Variants in CNTN5 observed in about 807,000 individuals in gnomAD.
CNTN5 encodes the protein contactin 5.
A neutral mutation model predicts 129.1 loss-of-function variants in CNTN5; 77 were observed. The ratio of observed to expected loss-of-function variants is 0.60; its 90% CI spans 0.50 to 0.72. The LOEUF is 0.72. Among genes scored for constraint, CNTN5 ranks in the 30% least tolerant of loss-of-function variants. The pLI is 0.00. For synonymous variants in CNTN5, 509 were observed against 465.6 expected (o/e 1.09, Z -1.20); for missense variants, 1,478 against 1,328.8 (o/e 1.11, Z -1.75).
chr11:100,060,960 A>AATCAT (rs1943448111), intron 9 of CNTN5, among the ~76,000 whole-genome samples: 1 of 94,378 alleles, frequency 1.1e-5, no homozygotes. Flanking sequence ...TTTAAAAATA[A>AATCAT]ATCATAATTG....
chr11:99,113,842 A>T (rs978184131), intron 1 of CNTN5, among the ~76,000 whole-genome samples: 1 of 152,152 alleles, frequency 6.6e-6, no homozygotes. Context: ...ATAAAGAGAT[A>T]AAGAGGTATT....
At chr11:99,084,873 A>G (rs1940520) in intron 1 of CNTN5, among the ~76,000 whole-genome samples, 3 of 152,216 alleles carry the variant, frequency 2.0e-5, no homozygotes, top group Non-Finnish European at 4.4e-5. Context: ...TTAAGTATCC[A>G]AATTTTGATC....
At chr11:99,315,246 A>AAT (rs1865293615) in intron 1 of CNTN5, among the ~76,000 whole-genome samples, 2 of 108,674 alleles carry the variant, frequency 1.8e-5, no homozygotes, top group South Asian at 3.7e-4. Flanking sequence ...AAAAAAAAGT[A>AAT]TTACAAATGA....
intron 13 of CNTN5, among the ~76,000 whole-genome samples, chr11:100,081,457 A>G (rs1219832633): frequency 1.3e-5 from 2 of 152,182 alleles, no homozygotes; most frequent in Non-Finnish European, 2.9e-5. Context: ...CAGAAATTGC[A>G]TCTTACTACA....
chr11:99,390,324 G>T (rs974828442), intron 2 of CNTN5, among the ~76,000 whole-genome samples: 1 of 152,010 alleles, frequency 6.6e-6, no homozygotes, highest in Non-Finnish European at 1.5e-5. Context: ...TTGCCATATT[G>T]CCCACACTGG....
intron 7 of CNTN5, among the ~76,000 whole-genome samples, chr11:99,926,600 G>A (rs1035643956): frequency 1.3e-5 from 2 of 151,890 alleles, no homozygotes; most frequent in African/African-American, 4.8e-5. Context: ...GACTTTTTTG[G>A]CATCTTTAAT....
chr11:99,780,153 G>T (rs1945262254), intron 3 of CNTN5, among the ~76,000 whole-genome samples: 1 of 151,910 alleles, frequency 6.6e-6, no homozygotes, highest in South Asian at 2.1e-4. Context: ...TTCTGTTACT[G>T]TTATCAAGTC....
chr11:100,268,383 A>T (rs1591455614), intron 17 of CNTN5, among the ~76,000 whole-genome samples: 3 of 152,300 alleles, frequency 2.0e-5, no homozygotes, highest in Admixed American at 2.0e-4. Context: ...ACCCTGGAGC[A>T]TTGTAACAGT....
intron 3 of CNTN5, among the ~76,000 whole-genome samples, chr11:99,577,908 A>T (rs1396155564): frequency 1.3e-5 from 2 of 151,576 alleles, no homozygotes; most frequent in Non-Finnish European, 2.9e-5. Flanking sequence ...TACATGTGCC[A>T]TGTTGGTGTG....
chr11:99,889,291 G>GGT (rs71050029), intron 6 of CNTN5, among the ~76,000 whole-genome samples: 3 of 33,222 alleles, frequency 9.0e-5, no homozygotes, highest in African/African-American at 8.7e-4. Context: ...CTCCAGAGCA[G>GGT]GTGTGTGTGT....
At chr11:99,050,823 C>T (rs886982049) in intron 1 of CNTN5, among the ~76,000 whole-genome samples, 6 of 151,626 alleles carry the variant, frequency 4.0e-5, no homozygotes, top group East Asian at 1.9e-4. Context: ...AATACTTTTC[C>T]GATTTAAGAT....
intron 3 of CNTN5, among the ~76,000 whole-genome samples, chr11:99,791,136 CTTAAGT>C (rs945745408): frequency 8.6e-5 from 13 of 151,116 alleles, no homozygotes; most frequent in African/African-American, 2.9e-4. Flanking sequence ...TGTGTAGAAG[CTTAAGT>C]TTAAGTAGAT....
chr11:99,514,660 A>G (rs1282712334), intron 2 of CNTN5, among the ~76,000 whole-genome samples: 1 of 152,094 alleles, frequency 6.6e-6, no homozygotes, highest in Non-Finnish European at 1.5e-5. Context: ...TTTTGGCAAT[A>G]AAGTATTTTA....
intron 1 of CNTN5, among the ~76,000 whole-genome samples, chr11:99,224,620 A>G (rs757467344): frequency 6.7e-6 from 1 of 148,482 alleles, no homozygotes; most frequent in Non-Finnish European, 1.5e-5. Context: ...ACAGCTAGCT[A>G]TCTTCCAGAT....
At chr11:100,022,837 T>G (rs1268148791) in intron 9 of CNTN5, among the ~76,000 whole-genome samples, 1 of 152,230 alleles carries the variant, frequency 6.6e-6, no homozygotes, top group Non-Finnish European at 1.5e-5. Context: ...ACTTCAGATA[T>G]GTTTCTCTAC....
At chr11:99,837,367 C>G (rs1238246278) in intron 4 of CNTN5, among the ~76,000 whole-genome samples, 2 of 152,128 alleles carry the variant, frequency 1.3e-5, no homozygotes, top group Non-Finnish European at 2.9e-5. Context: ...TCACATTCTG[C>G]TTAGTTGTTG....
chr11:99,715,979 A>T (rs1955202392), intron 3 of CNTN5, among the ~76,000 whole-genome samples: 1 of 151,772 alleles, frequency 6.6e-6, no homozygotes, highest in South Asian at 2.1e-4. Flanking sequence ...TCCCAAAATA[A>T]TCAAAAAATT....
intron 8 of CNTN5, among the ~76,000 whole-genome samples, chr11:99,996,379 C>A (rs1003220199): frequency 1.3e-5 from 2 of 152,122 alleles, no homozygotes; most frequent in African/African-American, 2.4e-5. Context: ...AGATTAAAGT[C>A]TAAATGTTTT....
chr11:99,479,270 T>A (rs927728719), intron 2 of CNTN5, among the ~76,000 whole-genome samples: 7 of 151,792 alleles, frequency 4.6e-5, no homozygotes, highest in Non-Finnish European at 8.8e-5. Context: ...TTCACACTTT[T>A]TTTTTTACTA....
Sources: allele counts gnomAD v4.1 joint callset (sites outside exome capture counted in the v4.1 genomes callset), GRCh38; gene constraint gnomAD v4.1.1; transcripts MANE v1.5; gene names NCBI Gene and HGNC (gene_info 2026-07-23, HGNC 2026-07-21).